Variants in SGCD observed in about 807,000 individuals in gnomAD.
The protein encoded by SGCD is delta-sarcoglycan.
Under a neutral mutation model 36.6 loss-of-function variants are expected in SGCD, and 18 were observed. The observed-to-expected ratio is 0.49, with a 90% confidence interval of 0.34 to 0.73. The LOEUF (loss-of-function observed/expected upper bound fraction) is 0.73. SGCD is among the 30% of genes least tolerant of loss of function. SGCD has a pLI of 0.01. For missense variants in SGCD, 387 were observed against 346.7 expected (o/e 1.12, Z -0.92); for synonymous variants, 133 against 130.6 (o/e 1.02, Z -0.12).
chr5:156,005,745 C>T (rs866871811), intron 1 of SGCD, among the ~76,000 whole-genome samples: 2 of 152,142 alleles, frequency 1.3e-5, no homozygotes, highest in South Asian at 2.1e-4. Context: ...CCACCGTGCC[C>T]GGCCTTTTGT....
At chr5:156,534,176 C>T (rs201118854) in intron 4 of SGCD, among the ~76,000 whole-genome samples, 1 of 145,418 alleles carries the variant, frequency 6.9e-6, no homozygotes. Context: ...GGACATCATT[C>T]TTTTTTTTTT....
intron 6 of SGCD, among the ~76,000 whole-genome samples, chr5:156,604,726 ATATATGTATATATACATATATACACATTT>A (rs544366512): frequency 2.1e-4 from 23 of 110,088 alleles, no homozygotes; most frequent in South Asian, 6.5e-4. Flanking sequence ...TATGCACATT[ATATATGTATATATACATATATACACATTT>A]TATATGTATA....
At chr5:156,400,469 T>G (rs1772086509) in intron 3 of SGCD, among the ~76,000 whole-genome samples, 1 of 152,206 alleles carries the variant, frequency 6.6e-6, no homozygotes, top group East Asian at 1.9e-4. Context: ...GACAGATAAC[T>G]ACTGAAGCAC....
chr5:156,481,503 C>T (rs1277541437), intron 3 of SGCD, among the ~76,000 whole-genome samples: 3 of 152,104 alleles, frequency 2.0e-5, no homozygotes, highest in African/African-American at 4.8e-5. Context: ...ATTGAATACA[C>T]TTTGTGGATC....
At chr5:156,703,396 CT>C (rs1206964378) in intron 7 of SGCD, among the ~76,000 whole-genome samples, 1 of 114,956 alleles carries the variant, frequency 8.7e-6, no homozygotes, top group African/African-American at 3.2e-5. Context: ...TTTTTTTTTT[CT>C]TTTTTACTTA....
At chr5:156,142,240 G>C (rs1338719529) in intron 3 of SGCD, among the ~76,000 whole-genome samples, 1 of 152,212 alleles carries the variant, frequency 6.6e-6, no homozygotes, top group Non-Finnish European at 1.5e-5. Context: ...CTCCCCGGAA[G>C]CAGAAGCCAC....
chr5:156,567,203 A>G (rs1204381640), intron 4 of SGCD, among the ~76,000 whole-genome samples: 1 of 151,982 alleles, frequency 6.6e-6, no homozygotes, highest in Non-Finnish European at 1.5e-5. Context: ...AGTAGTACTC[A>G]CCTACTTTCT....
At chr5:156,059,720 T>C (rs1160891670) in intron 1 of SGCD, among the ~76,000 whole-genome samples, 1 of 146,814 alleles carries the variant, frequency 6.8e-6, no homozygotes, top group Non-Finnish European at 1.5e-5. Flanking sequence ...GAAACAATAA[T>C]GGCACTTCAC....
At chr5:156,621,442 C>T (rs1762243632) in intron 6 of SGCD, among the ~76,000 whole-genome samples, 1 of 152,158 alleles carries the variant, frequency 6.6e-6, no homozygotes, top group Non-Finnish European at 1.5e-5. Context: ...CTTCCTGCCT[C>T]AGCCTCTCAA....
chr5:155,756,176 T>C, the SGCD span, among the ~76,000 whole-genome samples: 1 of 152,200 alleles, frequency 6.6e-6, no homozygotes, highest in African/African-American at 2.4e-5. Context: ...TAGAGAAAGC[T>C]GATGTGACTT....
chr5:156,253,581 G>A (rs1057096729), intron 3 of SGCD, among the ~76,000 whole-genome samples: 99 of 152,072 alleles, frequency 6.5e-4, no homozygotes, highest in South Asian at 2.1e-4. Flanking sequence ...TCCTATCGCC[G>A]TATAACTTCC....
chr5:156,091,688 G>A (rs1761248600), intron 1 of SGCD, among the ~76,000 whole-genome samples: 1 of 152,238 alleles, frequency 6.6e-6, no homozygotes, highest in East Asian at 1.9e-4. Context: ...AGGGTTTAAA[G>A]TGATAGTGGT....
rs572304542 is a variant in SGCD, at chr5:156,759,181, C to T, written c.700-36C>T. 9.5e-6 allele frequency: 15 copies of T among 1,572,822 alleles called. No homozygotes were observed. In the African/African-American group the frequency reaches 1.9e-4, roughly 20 times the overall value. Reference sequence around the variant, plus strand: ...ATGTCAAGAGAAGAGACGACAGCCTCTGACCAATGCTTTCCTTCCTATTCT... The same window carrying T: ...ATGTCAAGAGAAGAGACGACAGCCTTTGACCAATGCTTTCCTTCCTATTCT... On this transcript the variant is annotated intron_variant, in intron 8 of 8. Coordinates refer to ENST00000337851, the MANE Select transcript of SGCD (RefSeq NM_000337.6).
the SGCD span, among the ~76,000 whole-genome samples, chr5:155,730,467 G>GTGTGTGTA: frequency 6.6e-6 from 1 of 151,250 alleles, no homozygotes; most frequent in Non-Finnish European, 1.5e-5. Flanking sequence ...GTGTGTGTGT[G>GTGTGTGTA]TGTGTGTGGC....
intron 4 of SGCD, among the ~76,000 whole-genome samples, chr5:156,508,932 C>T (rs1756821473): frequency 6.6e-6 from 1 of 152,116 alleles, no homozygotes; most frequent in Non-Finnish European, 1.5e-5. Flanking sequence ...CCCCTGCTAC[C>T]CAGCTTTATA....
intron 1 of SGCD, among the ~76,000 whole-genome samples, chr5:156,091,404 T>C (rs1761237890): frequency 1.3e-5 from 2 of 152,332 alleles, no homozygotes; most frequent in Admixed American, 6.5e-5. Context: ...TTGGGACAGC[T>C]CTAGGGCCCT....
At chr5:156,357,170 A>G (rs994770020) in intron 3 of SGCD, among the ~76,000 whole-genome samples, 92 of 152,302 alleles carry the variant, frequency 6.0e-4, no homozygotes, top group African/African-American at 2.1e-3. Context: ...CCACACCTGT[A>G]TTGAACATTG....
At chr5:156,077,366 A>G (rs1204352036) in intron 1 of SGCD, among the ~76,000 whole-genome samples, 1 of 151,964 alleles carries the variant, frequency 6.6e-6, no homozygotes, top group Non-Finnish European at 1.5e-5. Flanking sequence ...CCAGCCCTAT[A>G]TTCTTATTAT....
chr5:155,942,228 G>A lies in SGCD; in HGVS notation c.-282+71804G>A, dbSNP rs533486463. On this transcript the variant is annotated intron_variant, in intron 1 of 9. Transcript: ENST00000517913. The stretch of plus-strand genomic sequence containing the variant: ...GAGGAGAGTCAATACTTGAAAGAGG[G>A]GTATGGCAGTGGATAAGTTTTGTTT... Among the ~76,000 whole-genome samples the A allele has an allele frequency of 3.9e-5, 6 of 152,146 alleles. No individual in the cohort carries two copies. In the South Asian group the frequency reaches 1.0e-3, roughly 26 times the overall value.
Sources: gnomAD v4.1 joint callset for allele counts (sites outside exome capture counted in the v4.1 genomes callset) on GRCh38, gnomAD v4.1.1 for gene constraint, MANE v1.5 for transcripts, NCBI Gene and HGNC (gene_info 2026-07-23, HGNC 2026-07-21) for gene names.